The following BCAR1 variants were observed in gnomAD, a reference collection of about 807,000 sequenced individuals.
The protein encoded by BCAR1 is BCAR1 scaffold protein, Cas family member.
A neutral mutation model predicts 67.6 loss-of-function variants in BCAR1; 30 were observed. That is an observed-to-expected ratio of 0.44 (90% CI 0.33 to 0.60). The LOEUF (loss-of-function observed/expected upper bound fraction) is 0.60. Among genes scored for constraint, BCAR1 ranks in the 20% least tolerant of loss-of-function variants. The pLI, the probability that BCAR1 is intolerant of heterozygous loss-of-function variation, is 0.02. For synonymous variants in BCAR1, 626 were observed against 556.7 expected (o/e 1.12, Z -1.75); for missense variants, 1,313 against 1,222.3 (o/e 1.07, Z -1.11).
At chr16:75,263,053 G>C (rs546641126) in intron 1 of BCAR1, among the ~76,000 whole-genome samples, 1 of 152,168 alleles carries the variant, frequency 6.6e-6, no homozygotes, top group Non-Finnish European at 1.5e-5. Context: ...ACCCTGGCAA[G>C]ACACAGGCCC....
intron 1 of BCAR1, chr16:75,264,023 G>C: frequency 8.2e-7 from 1 of 1,214,530 alleles, no homozygotes; most frequent in Non-Finnish European, 1.0e-6. Context: ...GAATTCTCCT[G>C]GGCTGTGACT....
chr16:75,259,924 T>C (rs1337443822), intron 1 of BCAR1, among the ~76,000 whole-genome samples: 1 of 150,172 alleles, frequency 6.7e-6, no homozygotes, highest in East Asian at 2.0e-4. Flanking sequence ...CCTGGCTCAG[T>C]GGCCCACGCC....
chr16:75,236,511 T>C (rs1008558001), intron 4 of BCAR1: 3 of 365,526 alleles, frequency 8.2e-6, no homozygotes, highest in Non-Finnish European at 1.5e-5. Context: ...GTGTGTATTA[T>C]CAGGGGACCA....
chr16:75,245,766 C>A (rs1440121607), intron 1 of BCAR1, among the ~76,000 whole-genome samples: 2 of 152,052 alleles, frequency 1.3e-5, no homozygotes, highest in Non-Finnish European at 2.9e-5. Context: ...ACACAACCGA[C>A]CACTCCAGCT....
chr16:75,237,145 C>T (rs768088018), intron 3 of BCAR1, 38 bp downstream of exon 3: 3 of 1,491,716 alleles, frequency 2.0e-6, no homozygotes, highest in Middle Eastern at 2.2e-4. Flanking sequence ...CACAGACTTG[C>T]CGCCCTGCCC....
chr16:75,246,126 ACAC>A (rs1220617481), intron 1 of BCAR1: 3 of 151,792 alleles, frequency 2.0e-5, no homozygotes, highest in Non-Finnish European at 2.9e-5. Context: ...CTACAGGCAT[ACAC>A]CACCACGCCC....
At chr16:75,238,487 A>G (rs763981023) in intron 2 of BCAR1, 204 of 997,172 alleles carry the variant, frequency 2.0e-4, no homozygotes, top group Non-Finnish European at 2.4e-4. Flanking sequence ...GGCCCTCCCA[A>G]TGCAGGCAGG....
chr16:75,267,996 T>C lies in BCAR1; in HGVS notation c.-16A>G, dbSNP rs1218983100. ...GGCAGTGCATGCCCTCTCCTGACAC[T>C]ACCAGGTGTCTGTGAAGGCGGCGGC... On this transcript the variant is annotated 5_prime_UTR_variant, in exon 1 of 7. Transcript: ENST00000393422. The C allele has an allele frequency of 2.6e-6, 4 of 1,554,520 alleles. No individual in the cohort carries two copies. The Admixed American group carries it at 5.9e-5, about 23-fold the overall frequency.
chr16:75,259,500 C>G (rs540172968), intron 1 of BCAR1, among the ~76,000 whole-genome samples: 1 of 152,134 alleles, frequency 6.6e-6, no homozygotes, highest in African/African-American at 2.4e-5. Context: ...TATCCATCCA[C>G]AAGGAATGGA....
chr16:75,252,102 T>G, upstream of BCAR1: 1 of 1,254,736 alleles, frequency 8.0e-7, no homozygotes, highest in Non-Finnish European at 1.1e-6. Context: ...TGCCCCAGCC[T>G]GTAGGAGACG....
chr16:75,236,499 C>G (rs567842280), intron 4 of BCAR1: 16 of 356,432 alleles, frequency 4.5e-5, no homozygotes, highest in East Asian at 3.7e-4. Flanking sequence ...CGACTGAGCT[C>G]TGTGTGTATT....
At chr16:75,236,512 C>G (rs1174073945) in intron 4 of BCAR1, 3 of 370,330 alleles carry the variant, frequency 8.1e-6, no homozygotes, top group Non-Finnish European at 1.5e-5. Context: ...TGTGTATTAT[C>G]AGGGGACCAA....
At position 75,242,463 on chromosome 16, in the gene BCAR1, G is replaced by C. The variant is rs202211009; in HGVS notation, c.633+7C>G. On this transcript the variant is annotated splice_region_variant and intron_variant, in intron 2 of 6. Coordinates refer to ENST00000162330, the MANE Select transcript of BCAR1 (RefSeq NM_014567.5). ...GTGGCTGCACAACTGTGCCAGGACAGCCTTACCTTTGCCGGGGGCTTCGTG... is the reference window on the plus strand; with the variant it reads ...GTGGCTGCACAACTGTGCCAGGACACCCTTACCTTTGCCGGGGGCTTCGTG... 28 of 1,451,986 alleles carry C rather than the reference G, an allele frequency of 1.9e-5. No homozygotes were observed. The highest frequency in any genetic ancestry group is 2.5e-5 in the East Asian group (1 of 39,472). The allele number at this position is 1,451,986 out of a possible 1,614,324, so 89.9% of individuals were successfully genotyped here. A position where few individuals can be genotyped will look rare whatever the true frequency, so the allele number is the denominator to read the frequency against.
Position 75,242,602 on chromosome 16 carries a change from C to T in BCAR1, c.501G>A (p.Val167=). ...GGGCAGGGCCTCCAGGCCCTGGGGG[C>T]ACCTGGTACAGGTCTGTGGCCGGGC... The part of the protein sequence containing the change: ...FPSPATDLYQ[V]PPGPGGPAQD... The change falls in exon 2 of 7, where the codon GTG becomes GTA. Residue 167 remains valine, a synonymous_variant. Coordinates refer to ENST00000162330, the MANE Select transcript of BCAR1 (RefSeq NM_014567.5). The T allele has an allele frequency of 6.7e-7, 1 of 1,496,256 alleles. No individual in the cohort carries two copies. The highest frequency in any genetic ancestry group is 8.9e-7 in the Non-Finnish European group (1 of 1,123,578). The allele number at this position is 1,496,256 out of a possible 1,614,324, so 92.7% of individuals were successfully genotyped here. A position where few individuals can be genotyped will look rare whatever the true frequency, so the allele number is the denominator to read the frequency against.
chr16:75,230,091 G>A, intron 6 of BCAR1, 68 bp from the exon 7 acceptor site: 1 of 1,501,856 alleles, frequency 6.7e-7, no homozygotes, highest in Non-Finnish European at 8.9e-7. Flanking sequence ...GCCGAGACCT[G>A]GGCACCCTGG....
chr16:75,229,301 C>G lies in BCAR1; in HGVS notation c.*210G>C. On this transcript the variant is annotated 3_prime_UTR_variant, in exon 7 of 7. Transcript: ENST00000162330. ...GGTGCATGCTGGGGAAGGCCACTGG[C>G]CGGCCCCTGGGCTTCGGCTCCTGAG... 1.2e-6 allele frequency: 1 copy of G among 805,758 alleles called. No individual in the cohort carries two copies. 49.9% of individuals were successfully genotyped at this position (805,758 alleles called of 1,614,324 possible).
intron 6 of BCAR1, among the ~76,000 whole-genome samples, chr16:75,232,820 T>C (rs1197995321): frequency 1.1e-4 from 16 of 152,208 alleles, no homozygotes; most frequent in Non-Finnish European, 1.3e-4. Context: ...GGCTGCAGCC[T>C]CACTGCTGTG....
At position 75,235,695 on chromosome 16, in the gene BCAR1, C is replaced by T; in HGVS notation, c.1204G>A (p.Gly402Ser). 4 of 1,611,514 alleles carry T rather than the reference C, an allele frequency of 2.5e-6. No homozygotes were observed. Among genetic ancestry groups the T allele is most frequent in the Non-Finnish European group, 3.4e-6 (4 of 1,178,850 alleles). The change falls in exon 5 of 7, where the codon GGT (glycine) becomes AGT (serine). Residue 402 changes from glycine to serine, a missense_variant. Coordinates refer to ENST00000162330, the MANE Select transcript of BCAR1 (RefSeq NM_014567.5). Reference protein sequence around the residue: ...ERVLPPEVADGGVVDSGVYAV... With the variant: ...ERVLPPEVADSGVVDSGVYAV... ...TACACACCACTGTCGACCACGCCACCATCAGCCACCTCAGGAGGAAGCACC... is the reference window on the plus strand; with the variant it reads ...TACACACCACTGTCGACCACGCCACTATCAGCCACCTCAGGAGGAAGCACC...
rs2151419034 is a variant in BCAR1, at chr16:75,236,866, C to T, written c.912+16G>A. The T allele has an allele frequency of 1.2e-6, 2 of 1,609,672 alleles. No homozygotes were observed. Among genetic ancestry groups the T allele is most frequent in the East Asian group, 4.5e-5 (2 of 44,790 alleles). ...AGCCTCAGCCTGGCCCTGGCATTGC[C>T]CTGGCATTTGCTCACTGCGTGGTGG... On this transcript the variant is annotated intron_variant, in intron 4 of 6. Coordinates refer to ENST00000162330, the MANE Select transcript of BCAR1 (RefSeq NM_014567.5).
Sources: gnomAD v4.1 joint callset for allele counts (sites outside exome capture counted in the v4.1 genomes callset) on GRCh38, gnomAD v4.1.1 for gene constraint, MANE v1.5 for transcripts, NCBI Gene and HGNC (gene_info 2026-07-23, HGNC 2026-07-21) for gene names.